The following SBF2 variants were observed in gnomAD, a reference collection of about 807,000 sequenced individuals.
The protein encoded by SBF2 is myotubularin-related protein 13.
SBF2 carries 112 observed loss-of-function variants against 225.2 expected under a neutral mutation model. The observed-to-expected ratio is 0.50, with a 90% CI of 0.43 to 0.58. The LOEUF (loss-of-function observed/expected upper bound fraction) is 0.58. Among genes scored for constraint, SBF2 ranks in the 20% least tolerant of loss-of-function variants. The pLI is 0.00. For missense variants in SBF2, 1,996 were observed against 2,206.2 expected (o/e 0.90, Z 1.91); for synonymous variants, 763 against 773.3 (o/e 0.99, Z 0.22).
chr11:10,205,295 A>G (rs572951477), intron 1 of SBF2, among the ~76,000 whole-genome samples: 1 of 152,146 alleles, frequency 6.6e-6, no homozygotes, highest in South Asian at 2.1e-4. Flanking sequence ...TATGTAAATT[A>G]TATGTCAATA....
chr11:9,941,791 GA>G (rs1425740517), intron 16 of SBF2, among the ~76,000 whole-genome samples: 18 of 151,084 alleles, frequency 1.2e-4, no homozygotes, highest in East Asian at 3.9e-4. Flanking sequence ...AAATAAGAAA[GA>G]AAAAAAATAT....
intron 2 of SBF2, among the ~76,000 whole-genome samples, chr11:10,140,536 C>T (rs1954595178): frequency 6.6e-6 from 1 of 152,136 alleles, no homozygotes; most frequent in Non-Finnish European, 1.5e-5. Context: ...CTTAAGTGTC[C>T]TATGTGTGTC....
At chr11:9,786,514 GT>G (rs1852384534) in intron 36 of SBF2, among the ~76,000 whole-genome samples, 1 of 152,158 alleles carries the variant, frequency 6.6e-6, no homozygotes, top group African/African-American at 2.4e-5. Flanking sequence ...AGCCCCAGAT[GT>G]TCTTTTTTTA....
Position 9,808,069 on chromosome 11 carries a change from G to A in SBF2, c.4374C>T (p.Ser1458=). 1 of 1,614,190 alleles carries A rather than the reference G, an allele frequency of 6.2e-7. No individual in the cohort carries two copies. ...SFGHKFSQRS[S]LTLNCQGSGF... is the part of the protein sequence containing the mutation. ...CACTCCCCTGACAGTTGAGGGTCAA[G>A]CTGCTCCTCTGACTGAATTTGTGAC... is the stretch of plus-strand genomic sequence containing the variant. Residue 1458 remains serine (S), a synonymous_variant, in exon 32 of 40, where the codon AGC becomes AGT. Coordinates refer to ENST00000256190, the MANE Select transcript of SBF2 (RefSeq NM_030962.4).
At chr11:10,033,663 A>AACACACACACACAC (rs66939707) in intron 3 of SBF2, among the ~76,000 whole-genome samples, 197 of 149,774 alleles carry the variant, frequency 1.3e-3, no homozygotes, top group Admixed American at 2.1e-3. Flanking sequence ...GCTGTGATTA[A>AACACACACACACAC]ACACACACAC....
intron 2 of SBF2, among the ~76,000 whole-genome samples, chr11:10,058,114 T>C (rs958235804): frequency 3.3e-5 from 5 of 152,226 alleles, no homozygotes; most frequent in African/African-American, 9.6e-5. Flanking sequence ...GTCTGTCATA[T>C]GTCCTCCAAA....
At chr11:10,145,668 G>C (rs926399827) in intron 2 of SBF2, among the ~76,000 whole-genome samples, 2 of 152,012 alleles carry the variant, frequency 1.3e-5, no homozygotes, top group Non-Finnish European at 2.9e-5. Flanking sequence ...CCATTTAATT[G>C]GGAGTTCCTC....
intron 15 of SBF2, 37 bp downstream of exon 15, chr11:9,963,736 G>A: frequency 9.9e-7 from 1 of 1,010,978 alleles, no homozygotes; most frequent in Non-Finnish European, 1.5e-6. Context: ...AAAGGGAAAT[G>A]ATAAATGCTT....
intron 2 of SBF2, among the ~76,000 whole-genome samples, chr11:10,140,525 C>G (rs1302691992): frequency 3.3e-5 from 5 of 152,126 alleles, no homozygotes; most frequent in African/African-American, 1.2e-4. Context: ...TGTCTCTCCC[C>G]CTTAAGTGTC....
At chr11:10,120,281 C>T (rs1044959396) in intron 2 of SBF2, among the ~76,000 whole-genome samples, 2 of 152,144 alleles carry the variant, frequency 1.3e-5, no homozygotes, top group African/African-American at 2.4e-5. Flanking sequence ...TTTTTTAAGG[C>T]TGGATAATAT....
At chr11:10,233,563 C>A (rs35246982) in intron 1 of SBF2, among the ~76,000 whole-genome samples, 32,676 of 148,210 alleles carry the variant, frequency 0.22, 4,183 homozygotes, top group Non-Finnish European at 0.3. Context: ...ATATATATCT[C>A]TCTCTCTCAA....
rs112642379 is a variant in SBF2 at position 9,958,363 on chromosome 11, T to C, written c.1860+3594A>G. The C allele has an allele frequency of 4.7e-5, 7 of 149,050 alleles. No individual in the cohort carries two copies. The East Asian group carries it at 1.4e-3, about 29-fold the overall frequency. The allele number at this position is 149,050 out of a possible 1,614,324, so 9.2% of individuals were successfully genotyped here. A position where few individuals can be genotyped will look rare whatever the true frequency, so the allele number is the denominator to read the frequency against. ...CCCTCATATTCCATCCTTTCTTTTT[T>C]TTTTTTTTTTTTTTGAGACGGAGTC... On this transcript the variant is annotated intron_variant, in intron 16 of 39. Coordinates refer to ENST00000256190, the MANE Select transcript of SBF2 (RefSeq NM_030962.4).
chr11:10,129,658 T>C (rs1011635446), intron 2 of SBF2, among the ~76,000 whole-genome samples: 13 of 152,282 alleles, frequency 8.5e-5, no homozygotes, highest in Non-Finnish European at 7.4e-5. Flanking sequence ...TAAACCAAAA[T>C]AGTTTTTCCA....
At chr11:9,826,817 T>C (rs920811491) in intron 28 of SBF2, among the ~76,000 whole-genome samples, 1 of 151,752 alleles carries the variant, frequency 6.6e-6, no homozygotes, top group African/African-American at 2.4e-5. Context: ...GGAGTTTTGC[T>C]CTTGTTGCCC....
At chr11:9,881,971 G>A (rs983346700) in intron 17 of SBF2, among the ~76,000 whole-genome samples, 1 of 152,152 alleles carries the variant, frequency 6.6e-6, no homozygotes, top group Non-Finnish European at 1.5e-5. Context: ...CTAGGTGATA[G>A]AGTGAGACCT....
intron 2 of SBF2, among the ~76,000 whole-genome samples, chr11:10,057,190 C>T (rs1019646401): frequency 6.6e-6 from 1 of 152,098 alleles, no homozygotes; most frequent in Non-Finnish European, 1.5e-5. Flanking sequence ...GGAAAAGTGG[C>T]CAGACTGTTA....
At chr11:10,191,369 T>C (rs754621769) in intron 2 of SBF2, among the ~76,000 whole-genome samples, 12 of 152,292 alleles carry the variant, frequency 7.9e-5, no homozygotes, top group South Asian at 2.1e-4. Flanking sequence ...TCTAAAGATA[T>C]GCAAAAATAA....
At chr11:9,938,117 C>T (rs1249705031) in intron 16 of SBF2, among the ~76,000 whole-genome samples, 1 of 151,836 alleles carries the variant, frequency 6.6e-6, no homozygotes, top group African/African-American at 2.4e-5. Context: ...CAGTGAAACC[C>T]CGTCTCCACT....
chr11:10,020,087 T>C (rs1018711256), intron 6 of SBF2, among the ~76,000 whole-genome samples: 7 of 152,086 alleles, frequency 4.6e-5, no homozygotes, highest in Admixed American at 3.3e-4. Context: ...GTCAGGTAAG[T>C]TGTTAAACTC....
Sources: allele counts gnomAD v4.1 joint callset (sites outside exome capture counted in the v4.1 genomes callset), GRCh38; gene constraint gnomAD v4.1.1; transcripts MANE v1.5; gene names NCBI Gene and HGNC (gene_info 2026-07-23, HGNC 2026-07-21).